The following ARID1B variants were observed in gnomAD, a reference collection of about 807,000 sequenced individuals.
ARID1B encodes the protein AT-rich interactive domain-containing protein 1B.
A neutral mutation model predicts 212.3 loss-of-function variants in ARID1B; 30 were observed. The ratio of observed to expected loss-of-function variants is 0.14; its 90% CI spans 0.11 to 0.19. The LOEUF is 0.19. Ranked by LOEUF, ARID1B falls within the 10% of genes least tolerant of loss-of-function variation. The probability of loss-of-function intolerance (pLI) is 1.00; values close to 1 mark genes in which losing one functional copy is unlikely to be tolerated. For missense variants in ARID1B, 2,891 were observed against 3,204.0 expected (o/e 0.90, Z 2.36); for synonymous variants, 1,402 against 1,301.7 (o/e 1.08, Z -1.66).
chr6:156,881,156 T>C (rs956687822), intron 2 of ARID1B, among the ~76,000 whole-genome samples: 2 of 152,186 alleles, frequency 1.3e-5, no homozygotes, highest in Admixed American at 6.5e-5. Context: ...GGGTGGGGCC[T>C]GCATGGCTGG....
At chr6:156,954,821 C>T (rs1349020404) in intron 4 of ARID1B, among the ~76,000 whole-genome samples, 1 of 152,158 alleles carries the variant, frequency 6.6e-6, no homozygotes, top group Non-Finnish European at 1.5e-5. Context: ...TTAACTATTT[C>T]CCCCACTGTG....
intron 5 of ARID1B, among the ~76,000 whole-genome samples, chr6:157,087,984 T>C (rs976080088): frequency 6.6e-6 from 1 of 152,220 alleles, no homozygotes; most frequent in Non-Finnish European, 1.5e-5. Flanking sequence ...TAGGCAAACA[T>C]TTATGCTAGA....
intron 4 of ARID1B, among the ~76,000 whole-genome samples, chr6:156,952,010 C>T (rs527875262): frequency 1.1e-4 from 17 of 152,274 alleles, no homozygotes; most frequent in African/African-American, 4.1e-4. Flanking sequence ...AAAGAAGTAG[C>T]TTATTGAACC....
At chr6:157,006,967 A>C (rs572459711) in intron 4 of ARID1B, among the ~76,000 whole-genome samples, 16 of 152,266 alleles carry the variant, frequency 1.1e-4, no homozygotes, top group Admixed American at 5.9e-4. Context: ...ACACACACAC[A>C]GACACGCAAA....
chr6:156,853,895 C>G (rs1229318768), intron 2 of ARID1B, among the ~76,000 whole-genome samples: 1 of 152,154 alleles, frequency 6.6e-6, no homozygotes, highest in Non-Finnish European at 1.5e-5. Context: ...TACCACCATG[C>G]TGGCTAATTT....
chr6:156,951,545 G>A (rs1038382589), intron 4 of ARID1B, among the ~76,000 whole-genome samples: 2 of 151,812 alleles, frequency 1.3e-5, no homozygotes, highest in African/African-American at 4.8e-5. Context: ...CTGGGTTTAC[G>A]CCATTCTTCT....
At chr6:157,199,597 T>C (rs1793962461) in intron 17 of ARID1B, among the ~76,000 whole-genome samples, 1 of 149,346 alleles carries the variant, frequency 6.7e-6, no homozygotes, top group South Asian at 2.1e-4. Context: ...TATATAATTA[T>C]AATAATTATA....
intron 5 of ARID1B, among the ~76,000 whole-genome samples, chr6:157,085,299 A>G (rs1784896098): frequency 6.6e-6 from 1 of 152,170 alleles, no homozygotes; most frequent in African/African-American, 2.4e-5. Context: ...AATACTTGCC[A>G]CAGCATTTAT....
intron 4 of ARID1B, chr6:156,936,177 T>A (rs149008792): frequency 0.032 from 4,851 of 152,150 alleles, 120 homozygotes; most frequent in East Asian, 0.083. Context: ...ACCCTATCTC[T>A]ACTAAAAATA....
rs371680791 is a variant in ARID1B, at chr6:156,778,026, G to A, written c.346G>A (p.Ala116Thr). 2 of 1,534,324 alleles carry A rather than the reference G, an allele frequency of 1.3e-6. No individual in the cohort carries two copies. Among genetic ancestry groups the A allele is most frequent in the East Asian group, 2.5e-5 (1 of 40,728 alleles). ...TCTCAAGGAGGGTGGAAGCGCCGCCGCGCTGTCCTCCTCCTCCTCCTCCTC... is the reference window on the plus strand; with the variant it reads ...TCTCAAGGAGGGTGGAAGCGCCGCCACGCTGTCCTCCTCCTCCTCCTCCTC... The part of the protein sequence containing the change: ...AALKEGGSAA[A>T]LSSSSSSSAA... Residue 116 changes from alanine (A) to threonine (T), a missense_variant, in exon 1 of 20, where the codon GCG becomes ACG. Ala to Thr is a moderately conservative substitution (Grantham distance 58). Coordinates refer to ENST00000636930, the MANE Select transcript of ARID1B (RefSeq NM_001374828.1).
chr6:156,911,160 A>G (rs938488042), intron 3 of ARID1B, among the ~76,000 whole-genome samples: 1 of 152,190 alleles, frequency 6.6e-6, no homozygotes, highest in African/African-American at 2.4e-5. Flanking sequence ...TGGTGATGTC[A>G]TCTTTTGAAA....
intron 3 of ARID1B, among the ~76,000 whole-genome samples, chr6:156,931,474 T>C (rs1791708967): frequency 6.6e-6 from 1 of 152,116 alleles, no homozygotes; most frequent in East Asian, 1.9e-4. Context: ...TACTGTGATA[T>C]GTTCAAGTAC....
chr6:157,090,068 G>A (rs1050699969), intron 5 of ARID1B, among the ~76,000 whole-genome samples: 18 of 152,154 alleles, frequency 1.2e-4, no homozygotes, highest in African/African-American at 3.9e-4. Flanking sequence ...AAGATTCTGC[G>A]GATGTTAATT....
intron 4 of ARID1B, among the ~76,000 whole-genome samples, chr6:156,967,180 G>A (rs1175001909): frequency 1.3e-5 from 2 of 152,184 alleles, no homozygotes; most frequent in East Asian, 1.9e-4. Context: ...AAGGGTCATA[G>A]TATTCTTACT....
At chr6:156,897,212 G>GCTTCTTCTTCTTCTTCTT (rs1259415755) in intron 2 of ARID1B, among the ~76,000 whole-genome samples, 4 of 70,030 alleles carry the variant, frequency 5.7e-5, no homozygotes, top group East Asian at 3.5e-4. Flanking sequence ...TGCTGCTGCT[G>GCTTCTTCTTCTTCTTCTT]CTGCTGCTTC....
In ARID1B at chr6:156,996,973, G is replaced by A. The variant is rs747316053; in HGVS notation, c.2247+61397G>A. 4.0e-4 allele frequency among the ~76,000 whole-genome samples: 59 copies of A among 149,166 alleles called. No homozygotes were observed. In the Middle Eastern group the frequency reaches 0.017, roughly 43 times the overall value. ...TTTGATGTTGAGAAGGGAAAAAAAC[G>A]TGTGTTATTCATAGAGAGTATGGTA... is the stretch of plus-strand genomic sequence containing the variant. On this transcript the variant is annotated intron_variant, in intron 4 of 19. Coordinates refer to ENST00000636930, the MANE Select transcript of ARID1B (RefSeq NM_001374828.1).
At position 157,133,219 on chromosome 6, in the gene ARID1B, G is replaced by C. The variant is rs1261506068; in HGVS notation, c.2761+12G>C. 9 of 1,573,414 alleles carry C rather than the reference G, an allele frequency of 5.7e-6. No individual in the cohort carries two copies. The South Asian group carries it at 7.2e-5, about 13-fold the overall frequency. On this transcript the variant is annotated intron_variant, in intron 7 of 19. Coordinates refer to ENST00000636930, the MANE Select transcript of ARID1B (RefSeq NM_001374828.1). Reference sequence around the variant, plus strand: ...GTATGGACCACAAGGTAAAACCAAAGCTTCTCCAAAATGCATGGCAGCAAG... The same window carrying C: ...GTATGGACCACAAGGTAAAACCAAACCTTCTCCAAAATGCATGGCAGCAAG...
chr6:157,190,847 G>A lies in ARID1B; in HGVS notation c.4231+637G>A, dbSNP rs1286856639. 6.6e-6 allele frequency among the ~76,000 whole-genome samples: 1 copy of A among 152,036 alleles called. No homozygotes were observed. Among genetic ancestry groups the A allele is most frequent in the Non-Finnish European group, 1.5e-5 (1 of 68,008 alleles). Reference sequence around the variant, plus strand: ...GCAGTGGCACTGGGTGGCGCGGTGGGAGAGAGGGAAAGCGATTTAGACTGA... The same window carrying A: ...GCAGTGGCACTGGGTGGCGCGGTGGAAGAGAGGGAAAGCGATTTAGACTGA... On this transcript the variant is annotated intron_variant, in intron 15 of 19. Transcript: ENST00000636930. The surrounding 1 kb of genome is among the most constrained non-coding windows in gnomAD (Gnocchi z 4.6).
intron 2 of ARID1B, among the ~76,000 whole-genome samples, chr6:156,869,767 T>G (rs1372095729): frequency 6.6e-6 from 1 of 152,106 alleles, no homozygotes; most frequent in African/African-American, 2.4e-5. Context: ...TATATGCCCA[T>G]TGAGATTCTT....
Sources: allele counts gnomAD v4.1 joint callset (sites outside exome capture counted in the v4.1 genomes callset), GRCh38; gene constraint gnomAD v4.1.1; non-coding constraint Gnocchi (gnomAD v3.1); transcripts MANE v1.5; gene names NCBI Gene and HGNC (gene_info 2026-07-23, HGNC 2026-07-21).